The following RYR3 variants were observed in gnomAD, a reference collection of about 807,000 sequenced individuals.
The protein encoded by RYR3 is ryanodine receptor 3, also known as brain ryanodine receptor-calcium release channel.
RYR3 carries 207 observed loss-of-function variants against 584.3 expected under a neutral mutation model. That is an observed-to-expected ratio of 0.35 (90% CI 0.32 to 0.40). The LOEUF (loss-of-function observed/expected upper bound fraction) is 0.40, where lower values mean the gene tolerates loss of function less well. Among genes scored for constraint, RYR3 ranks in the 10% least tolerant of loss-of-function variants. RYR3 has a pLI of 1.00. For synonymous variants in RYR3, 2,416 were observed against 2,248.5 expected (o/e 1.07, Z -2.11); for missense variants, 5,616 against 6,089.2 (o/e 0.92, Z 2.59).
intron 1 of RYR3, among the ~76,000 whole-genome samples, chr15:33,339,255 C>T (rs1172678712): frequency 6.6e-6 from 1 of 152,290 alleles, no homozygotes. Context: ...GGGCTGTGGC[C>T]CCAGGTCAGA....
At chr15:33,708,018 C>T (rs1361448692) in intron 43 of RYR3, among the ~76,000 whole-genome samples, 2 of 152,148 alleles carry the variant, frequency 1.3e-5, no homozygotes, top group Admixed American at 1.3e-4. Context: ...CTTGTTATCC[C>T]TGGAACCCAC....
chr15:33,423,957 C>T (rs984552887), intron 1 of RYR3, among the ~76,000 whole-genome samples: 5 of 152,166 alleles, frequency 3.3e-5, no homozygotes, highest in South Asian at 2.1e-4. Context: ...GTTTGCTAAA[C>T]GGCAGCTCTT....
chr15:33,453,159 C>T (rs2047268983), intron 1 of RYR3, among the ~76,000 whole-genome samples: 1 of 152,100 alleles, frequency 6.6e-6, no homozygotes, highest in South Asian at 2.1e-4. Flanking sequence ...TCAAAATAAA[C>T]TAAGACCTTT....
intron 60 of RYR3, among the ~76,000 whole-genome samples, chr15:33,763,212 AGACT>A (rs751543934): frequency 6.6e-6 from 1 of 152,190 alleles, no homozygotes; most frequent in Non-Finnish European, 1.5e-5. Context: ...GCATGGGCAA[AGACT>A]TCATGACTAA....
intron 3 of RYR3, among the ~76,000 whole-genome samples, chr15:33,504,682 C>T (rs1424082909): frequency 6.6e-6 from 1 of 152,184 alleles, no homozygotes; most frequent in Non-Finnish European, 1.5e-5. Flanking sequence ...TGGCTTAGAG[C>T]CCTTTAGGAG....
At chr15:33,800,965 C>A in intron 68 of RYR3, 108 bp downstream of exon 68, 1 of 827,874 alleles carries the variant, frequency 1.2e-6, no homozygotes, top group Non-Finnish European at 2.0e-6. Context: ...GAAATGTATT[C>A]TGAGCCACAT....
rs1169554218 is a variant in RYR3 at position 33,603,242 on chromosome 15, G to A, written c.2042G>A (p.Arg681Gln). The change falls in exon 18 of 104, where the codon CGG (arginine) becomes CAG (glutamine). Residue 681 changes from arginine (R) to glutamine (Q), a missense_variant. Physicochemically the swap from Arg to Gln is conservative, Grantham distance 43. Coordinates refer to ENST00000634891, the MANE Select transcript of RYR3 (RefSeq NM_001036.6). ...CTAACAGCAGAGCCCACACATCTGCGGGTGGGCTGGGCCTCTTCTTCAGGC... is the reference window on the plus strand; with the variant it reads ...CTAACAGCAGAGCCCACACATCTGCAGGTGGGCTGGGCCTCTTCTTCAGGC... ...PFLTAEPTHL[R>Q]VGWASSSGYA... The A allele has an allele frequency of 1.9e-6, 3 of 1,613,912 alleles. No homozygotes were observed. The highest frequency in any genetic ancestry group is 2.5e-6 in the Non-Finnish European group (3 of 1,179,840).
intron 31 of RYR3, 26 bp from the exon 32 acceptor site, chr15:33,652,692 G>A (rs1247023038): frequency 1.2e-6 from 2 of 1,609,140 alleles, no homozygotes; most frequent in Non-Finnish European, 1.7e-6. Context: ...TCCAGATTCT[G>A]TGCCTTTTCC....
intron 42 of RYR3, among the ~76,000 whole-genome samples, chr15:33,705,016 G>A (rs2066585410): frequency 6.6e-6 from 1 of 152,026 alleles, no homozygotes; most frequent in African/African-American, 2.4e-5. Context: ...GATCACGCCA[G>A]AAATTAGATC....
chr15:33,378,141 G>C (rs1410203348), intron 1 of RYR3, among the ~76,000 whole-genome samples: 1 of 152,214 alleles, frequency 6.6e-6, no homozygotes. Flanking sequence ...GCTTGGCATA[G>C]AACAGCATTT....
At chr15:33,529,242 C>T (rs558308892) in intron 3 of RYR3, among the ~76,000 whole-genome samples, 6 of 152,318 alleles carry the variant, frequency 3.9e-5, no homozygotes, top group East Asian at 1.9e-4. Flanking sequence ...TGGGAAAAAG[C>T]GCAGCCGCAT....
chr15:33,543,747 G>C, intron 8 of RYR3, 32 bp downstream of exon 8: 1 of 1,332,284 alleles, frequency 7.5e-7, no homozygotes, highest in Non-Finnish European at 1.1e-6. Flanking sequence ...TCCACTAGCT[G>C]TTTCCAGTCT....
chr15:33,538,681 G>T (rs534469375), intron 5 of RYR3, among the ~76,000 whole-genome samples: 2 of 152,206 alleles, frequency 1.3e-5, no homozygotes, highest in Non-Finnish European at 2.9e-5. Flanking sequence ...TTCTGCCTTC[G>T]CAGGTAGCTG....
intron 98 of RYR3, 96 bp from the exon 99 acceptor site, chr15:33,857,684 C>G: frequency 2.0e-6 from 3 of 1,500,224 alleles, no homozygotes; most frequent in African/African-American, 2.8e-5. Flanking sequence ...CTTGCCCGTC[C>G]TCACTCTTCC....
At chr15:33,529,369 CA>C (rs2054658390) in intron 3 of RYR3, among the ~76,000 whole-genome samples, 1 of 152,022 alleles carries the variant, frequency 6.6e-6, no homozygotes, top group Non-Finnish European at 1.5e-5. Context: ...GCTATTAATC[CA>C]AATAGAATTG....
At chr15:33,670,757 T>C (rs2063793660) in intron 38 of RYR3, among the ~76,000 whole-genome samples, 1 of 152,132 alleles carries the variant, frequency 6.6e-6, no homozygotes, top group Non-Finnish European at 1.5e-5. Flanking sequence ...ACTTTCATAC[T>C]GTCCTGAAAC....
At chr15:33,757,780 G>T (rs924466209) in intron 60 of RYR3, 184 bp downstream of exon 60, 2 of 648,422 alleles carry the variant, frequency 3.1e-6, no homozygotes, top group African/African-American at 1.8e-5. Context: ...ACCAATTGAG[G>T]TATACTGTGT....
intron 32 of RYR3, among the ~76,000 whole-genome samples, chr15:33,654,039 A>G (rs185107173): frequency 6.6e-6 from 1 of 152,192 alleles, no homozygotes; most frequent in African/African-American, 2.4e-5. Context: ...ACTATGGGAG[A>G]TGGGAGGTTA....
intron 2 of RYR3, among the ~76,000 whole-genome samples, chr15:33,498,714 G>C (rs2051669226): frequency 6.6e-6 from 1 of 152,040 alleles, no homozygotes; most frequent in African/African-American, 2.4e-5. Context: ...TTTGTTGCCT[G>C]TGTTTTTGAG....
Sources: allele counts gnomAD v4.1 joint callset (sites outside exome capture counted in the v4.1 genomes callset), GRCh38; gene constraint gnomAD v4.1.1; transcripts MANE v1.5; gene names NCBI Gene and HGNC (gene_info 2026-07-23, HGNC 2026-07-21).